Variants in SHTN1 observed in about 807,000 individuals in gnomAD.
SHTN1 encodes the protein shootin-1.
Under a neutral mutation model 83.1 loss-of-function variants are expected in SHTN1, and 42 were observed. The ratio of observed to expected loss-of-function variants is 0.51; its 90% CI spans 0.39 to 0.65. SHTN1 has a LOEUF of 0.65. SHTN1 is among the 30% of genes least tolerant of loss of function. SHTN1 has a pLI of 0.00. For missense variants in SHTN1, 622 were observed against 737.8 expected (o/e 0.84, Z 1.82); for synonymous variants, 224 against 247.7 (o/e 0.90, Z 0.90).
intron 7 of SHTN1, among the ~76,000 whole-genome samples, chr10:116,946,447 T>A (rs913830980): frequency 1.4e-5 from 2 of 145,604 alleles, no homozygotes; most frequent in African/African-American, 2.5e-5. Context: ...AATGTATAAA[T>A]TATGTATATG....
At chr10:117,057,540 G>A (rs990793744) in intron 1 of SHTN1, among the ~76,000 whole-genome samples, 1 of 152,066 alleles carries the variant, frequency 6.6e-6, no homozygotes, top group African/African-American at 2.4e-5. Flanking sequence ...AGGCTATATG[G>A]CTCCTTCCCT....
chr10:116,893,541 C>T (rs529466374), intron 16 of SHTN1, among the ~76,000 whole-genome samples: 3 of 119,082 alleles, frequency 2.5e-5, no homozygotes, highest in South Asian at 5.4e-4. Context: ...ACAGGGAAGG[C>T]GCCTTCCCTC....
At chr10:116,917,720 T>C (rs991594646) in intron 12 of SHTN1, among the ~76,000 whole-genome samples, 1 of 152,194 alleles carries the variant, frequency 6.6e-6, no homozygotes, top group African/African-American at 2.4e-5. Flanking sequence ...GCATCTAACA[T>C]AGCAGGAATT....
At chr10:116,896,374 C>T (rs1847520870) in intron 16 of SHTN1, among the ~76,000 whole-genome samples, 1 of 152,172 alleles carries the variant, frequency 6.6e-6, no homozygotes, top group Non-Finnish European at 1.5e-5. Context: ...CATTACTCAA[C>T]ATCCCAGAAT....
chr10:116,905,118 G>A (rs1203587628), intron 15 of SHTN1, among the ~76,000 whole-genome samples: 6 of 150,200 alleles, frequency 4.0e-5, no homozygotes, highest in African/African-American at 9.8e-5. Context: ...GGAGAATGGC[G>A]TTGAACCCGG....
chr10:117,056,000 C>T (rs766027533), intron 1 of SHTN1, among the ~76,000 whole-genome samples: 1 of 152,080 alleles, frequency 6.6e-6, no homozygotes, highest in Non-Finnish European at 1.5e-5. Flanking sequence ...CCTCAAATAC[C>T]ACAAGTTACC....
At chr10:116,978,079 T>C (rs901208333) in intron 2 of SHTN1, among the ~76,000 whole-genome samples, 1 of 152,144 alleles carries the variant, frequency 6.6e-6, no homozygotes, top group African/African-American at 2.4e-5. Flanking sequence ...CAAGGATTTA[T>C]TTACAAATGA....
intron 1 of SHTN1, among the ~76,000 whole-genome samples, chr10:117,063,894 T>G (rs1324347339): frequency 6.6e-6 from 1 of 152,174 alleles, no homozygotes; most frequent in African/African-American, 2.4e-5. Context: ...AATCCAACTT[T>G]TAACTTTTTT....
intron 1 of SHTN1, among the ~76,000 whole-genome samples, chr10:117,064,322 C>T (rs1406197054): frequency 6.6e-6 from 1 of 152,106 alleles, no homozygotes; most frequent in Non-Finnish European, 1.5e-5. Context: ...CTCTTCATAC[C>T]CACTCTCAGA....
intron 9 of SHTN1, among the ~76,000 whole-genome samples, chr10:116,930,682 C>T (rs1256661947): frequency 2.0e-5 from 3 of 152,066 alleles, no homozygotes; most frequent in African/African-American, 4.8e-5. Context: ...TATAGTGCTG[C>T]GATGAATATG....
chr10:116,965,576 C>G (rs1397458541), intron 3 of SHTN1, among the ~76,000 whole-genome samples: 1 of 152,152 alleles, frequency 6.6e-6, no homozygotes, highest in African/African-American at 2.4e-5. Context: ...CAACTCAGCA[C>G]CAAAAGAAAC....
intron 1 of SHTN1, among the ~76,000 whole-genome samples, chr10:116,993,352 T>C (rs2133519049): frequency 6.6e-6 from 1 of 152,242 alleles, no homozygotes. Flanking sequence ...AGGTTGTTCT[T>C]ACGTGGTATA....
At chr10:117,098,458 A>G (rs1374515519) in intron 1 of SHTN1, among the ~76,000 whole-genome samples, 2 of 151,542 alleles carry the variant, frequency 1.3e-5, no homozygotes, top group Non-Finnish European at 2.9e-5. Flanking sequence ...GTGGAATAGG[A>G]GATTCTAATG....
intron 2 of SHTN1, among the ~76,000 whole-genome samples, chr10:117,024,119 T>C (rs567254186): frequency 6.6e-6 from 1 of 151,926 alleles, no homozygotes; most frequent in African/African-American, 2.4e-5. Context: ...TTTTTAAAAA[T>C]TATGCTGAAT....
intron 11 of SHTN1, among the ~76,000 whole-genome samples, chr10:116,924,078 A>G (rs183004197): frequency 1.8e-4 from 28 of 152,340 alleles, no homozygotes; most frequent in Middle Eastern, 3.4e-3. Context: ...TGGGCTTGCA[A>G]TGGCCAAATG....
intron 14 of SHTN1, chr10:116,911,576 CT>C: frequency 6.4e-7 from 1 of 1,550,874 alleles, no homozygotes; most frequent in East Asian, 2.4e-5. Flanking sequence ...AGTGTAACCA[CT>C]CTTTTAGAAC....
At chr10:117,025,411 G>A (rs973579311) in intron 2 of SHTN1, among the ~76,000 whole-genome samples, 2 of 152,148 alleles carry the variant, frequency 1.3e-5, no homozygotes, top group African/African-American at 2.4e-5. Flanking sequence ...TGCAAGCTTC[G>A]CCACTGTGGG....
Position 116,930,011 on chromosome 10 carries a change from T to C in SHTN1, c.859-9A>G. 6.6e-7 allele frequency: 1 copy of C among 1,511,196 alleles called. No homozygotes were observed. The highest frequency in any genetic ancestry group is 8.8e-7 in the Non-Finnish European group (1 of 1,130,186). The allele number at this position is 1,511,196 out of a possible 1,614,324, so 93.6% of individuals were successfully genotyped here. A position where few individuals can be genotyped will look rare whatever the true frequency, so the allele number is the denominator to read the frequency against. On this transcript the variant is annotated splice_polypyrimidine_tract_variant and intron_variant, in intron 9 of 16. Transcript: ENST00000355371. ...TCTTCTAATTCTTTGACCTATAAGTTATTTAAAAAAAAAAGACTTTTATGG... is the reference window on the plus strand; with the variant it reads ...TCTTCTAATTCTTTGACCTATAAGTCATTTAAAAAAAAAAGACTTTTATGG...
intron 11 of SHTN1, among the ~76,000 whole-genome samples, chr10:116,924,890 T>G (rs1263540887): frequency 6.6e-6 from 1 of 151,630 alleles, no homozygotes; most frequent in East Asian, 1.9e-4. Flanking sequence ...CCCAAGTGGC[T>G]GGGACTACAG....
Sources: gnomAD v4.1 joint callset for allele counts (sites outside exome capture counted in the v4.1 genomes callset) on GRCh38, gnomAD v4.1.1 for gene constraint, MANE v1.5 for transcripts, NCBI Gene and HGNC (gene_info 2026-07-23, HGNC 2026-07-21) for gene names.